LAYN: variants seen among roughly 807,000 people sequenced by gnomAD.
The protein encoded by LAYN is layilin.
A neutral mutation model predicts 43.6 loss-of-function variants in LAYN; 38 were observed. The ratio of observed to expected loss-of-function variants is 0.87; its 90% CI spans 0.67 to 1.14. LAYN has a LOEUF of 1.14. Among genes scored for constraint, LAYN ranks in the 50% most tolerant of loss-of-function variants. The pLI is 0.00. For missense variants in LAYN, 479 were observed against 463.8 expected (o/e 1.03, Z -0.30); for synonymous variants, 168 against 172.9 (o/e 0.97, Z 0.22).
At chr11:111,546,302 T>C (rs1419094497) in intron 2 of LAYN, among the ~76,000 whole-genome samples, 1 of 152,222 alleles carries the variant, frequency 6.6e-6, no homozygotes, top group African/African-American at 2.4e-5. Context: ...ATTTAGACTC[T>C]TGATCAGCTG....
At chr11:111,541,295 C>A in intron 1 of LAYN, 1 of 602,200 alleles carries the variant, frequency 1.7e-6, no homozygotes, top group Non-Finnish European at 2.9e-6. Flanking sequence ...GGACCACCCC[C>A]GCGGGGCAGG....
chr11:111,549,548 G>GA, intron 2 of LAYN, 70 bp from the exon 3 acceptor site: 1 of 1,323,612 alleles, frequency 7.6e-7, no homozygotes, highest in Non-Finnish European at 1.0e-6. Context: ...GACTTGACGG[G>GA]AAAACAAAGG....
At position 111,540,866 on chromosome 11, in the gene LAYN, A is replaced by G. The variant is rs1867519825; in HGVS notation, c.23A>G (p.Gln8Arg). 6.5e-7 allele frequency: 1 copy of G among 1,531,622 alleles called. No individual in the cohort carries two copies. Among genetic ancestry groups the G allele is most frequent in the Non-Finnish European group, 8.7e-7 (1 of 1,145,422 alleles). The allele number at this position is 1,531,622 out of a possible 1,614,324, so 94.9% of individuals were successfully genotyped here. A position where few individuals can be genotyped will look rare whatever the true frequency, so the allele number is the denominator to read the frequency against. Reference protein sequence around the residue: MRPGTALQAVLLAVLLVG... With the variant: MRPGTALRAVLLAVLLVG... ...GCCATGAGGCCGGGAACCGCGCTAC[A>G]GGCCGTGCTGCTGGCCGTGCTGCTG... is the stretch of plus-strand genomic sequence containing the variant. Residue 8 changes from glutamine (Q) to arginine (R), a missense_variant, in exon 1 of 7, where the codon CAG becomes CGG. By Grantham distance (43) the Gln-to-Arg change is conservative (BLOSUM62 1). Transcript: ENST00000375614.
intron 6 of LAYN, 21 bp downstream of exon 6, chr11:111,557,664 G>A (rs780003368): frequency 6.4e-7 from 1 of 1,558,012 alleles, no homozygotes; most frequent in Non-Finnish European, 8.9e-7. Flanking sequence ...CCTTCATTGT[G>A]TAAACCTTTG....
intron 2 of LAYN, among the ~76,000 whole-genome samples, chr11:111,549,219 C>T (rs1034674250): frequency 2.0e-5 from 3 of 152,180 alleles, no homozygotes; most frequent in Admixed American, 6.5e-5. Flanking sequence ...GAGAGCAGGG[C>T]AAGCTCTGGA....
rs111957205 is a variant in LAYN at position 111,561,003 on chromosome 11, C to T, written c.*545C>T. ...TCTACAGCCCTTCCTCTGCATGTGG[C>T]CACAGGGGACCTTTTTTTGTTTCTC... On this transcript the variant is annotated 3_prime_UTR_variant, in exon 7 of 7. Transcript: ENST00000375614. The T allele has an allele frequency of 6.6e-6, 1 of 152,642 alleles. No homozygotes were observed. The highest frequency in any genetic ancestry group is 2.4e-5 in the African/African-American group (1 of 41,446). 9.5% of individuals were successfully genotyped at this position (152,642 alleles called of 1,614,324 possible).
At position 111,560,438 on chromosome 11, in the gene LAYN, A is replaced by G; in HGVS notation, c.1105A>G (p.Asn369Asp). 1 of 1,613,684 alleles carries G rather than the reference A, an allele frequency of 6.2e-7. No individual in the cohort carries two copies. The highest frequency in any genetic ancestry group is 1.3e-5 in the African/African-American group (1 of 75,044). Residue 369 changes from asparagine to aspartate, a missense_variant, in exon 7 of 7, where the codon AAT (asparagine) becomes GAT (aspartate). Transcript: ENST00000375614. ...GAGTAAGGAGTCTGGATGGGTGGAAAATGAAATATATGGTTATTAGGACAT... is the reference window on the plus strand; with the variant it reads ...GAGTAAGGAGTCTGGATGGGTGGAAGATGAAATATATGGTTATTAGGACAT... ...GRSKESGWVE[N>D]EIYGY
At chr11:111,554,740 A>C (rs1591569715) in intron 4 of LAYN, 147 bp downstream of exon 4, 21 of 647,136 alleles carry the variant, frequency 3.2e-5, no homozygotes, top group Non-Finnish European at 2.7e-6. Flanking sequence ...TATACACCAC[A>C]CCCAGCCATG....
rs1867926047 is a variant in LAYN, at chr11:111,560,142, G to C, written c.809G>C (p.Trp270Ser). ...AGCACAAAGAAGCAACACACCATCT[G>C]GCCCTCTCCTCACCAGGGAAACAGC... Reference protein sequence around the residue: ...DPSTKKQHTIWPSPHQGNSPD... With the variant: ...DPSTKKQHTISPSPHQGNSPD... Residue 270 changes from tryptophan to serine, a missense_variant, in exon 7 of 7, where the codon TGG becomes TCG. Trp to Ser is a radical substitution (Grantham distance 177). Transcript: ENST00000375614. 4 of 1,614,006 alleles carry C rather than the reference G, an allele frequency of 2.5e-6. No individual in the cohort carries two copies. Among genetic ancestry groups the C allele is most frequent in the Non-Finnish European group, 2.5e-6 (3 of 1,180,018 alleles).
chr11:111,542,923 T>A (rs1234306589), intron 1 of LAYN, among the ~76,000 whole-genome samples: 1 of 152,318 alleles, frequency 6.6e-6, no homozygotes, highest in Non-Finnish European at 1.5e-5. Flanking sequence ...CAGCAAGGCT[T>A]CAGTCACACA....
chr11:111,542,499 C>T (rs1393927468), intron 1 of LAYN, among the ~76,000 whole-genome samples: 1 of 152,226 alleles, frequency 6.6e-6, no homozygotes, highest in African/African-American at 2.4e-5. Flanking sequence ...TAGCACTAAT[C>T]ATATAGTTCT....
chr11:111,560,275 C>T lies in LAYN; in HGVS notation c.942C>T (p.Ala314=). 6.2e-7 allele frequency: 1 copy of T among 1,614,154 alleles called. No individual in the cohort carries two copies. Among genetic ancestry groups the T allele is most frequent in the Non-Finnish European group, 8.5e-7 (1 of 1,179,996 alleles). ...NISFRVCSGE[A]TPDDMSCDYD... is the part of the protein sequence containing the mutation. ...CATTCCGAGTGTGTTCGGGAGAAGC[C>T]ACTCCCGATGACATGTCTTGTGACT... The change falls in exon 7 of 7, where the codon GCC becomes GCT. Residue 314 remains alanine (A), a synonymous_variant. Coordinates refer to ENST00000375614, the MANE Select transcript of LAYN (RefSeq NM_178834.5).
intron 1 of LAYN, among the ~76,000 whole-genome samples, chr11:111,542,100 G>T (rs913551653): frequency 1.3e-5 from 2 of 152,230 alleles, no homozygotes; most frequent in Non-Finnish European, 2.9e-5. Flanking sequence ...TTCAACTCCA[G>T]CTTATGTTAT....
In LAYN at chr11:111,540,963, G is replaced by A. The variant is rs770685865; in HGVS notation, c.85+35G>A. 3.9e-6 allele frequency: 6 copies of A among 1,519,140 alleles called. No homozygotes were observed. The South Asian group carries it at 6.1e-5, about 15-fold the overall frequency. 94.1% of individuals were successfully genotyped at this position (1,519,140 alleles called of 1,614,324 possible). ...CGCGCTGGGGCGGGGGCTGGTGCCG[G>A]GGTGGGCTCACTGCACCCCAGCTGC... On this transcript the variant is annotated intron_variant, in intron 1 of 6. Coordinates refer to ENST00000375614, the MANE Select transcript of LAYN (RefSeq NM_178834.5).
At chr11:111,540,439 G>A (rs991572677), upstream of LAYN, 6 of 234,862 alleles carry the variant, frequency 2.6e-5, no homozygotes, top group African/African-American at 4.7e-5. Flanking sequence ...CTAGTTTTAG[G>A]CACACTGTGC....
At chr11:111,549,585 C>T in intron 2 of LAYN, 33 bp from the exon 3 acceptor site, 8 of 1,488,780 alleles carry the variant, frequency 5.4e-6, no homozygotes, top group Non-Finnish European at 7.1e-6. Flanking sequence ...GATCCTTCTC[C>T]AGTTGCCTCT....
rs557622851 is a variant in LAYN, at chr11:111,559,824, C to A, written c.762-271C>A. Reference sequence around the variant, plus strand: ...GTATTTTTTCTCTATTCAGTTCTATCCCTGGACACTCCAGGGACTCTAGGG... The same window carrying A: ...GTATTTTTTCTCTATTCAGTTCTATACCTGGACACTCCAGGGACTCTAGGG... On this transcript the variant is annotated intron_variant, in intron 6 of 6. Transcript: ENST00000375614. Among the ~76,000 whole-genome samples, 8 of 151,990 alleles carry A rather than the reference C, an allele frequency of 5.3e-5. No individual in the cohort carries two copies. In the East Asian group the frequency reaches 1.4e-3, roughly 26 times the overall value.
chr11:111,546,688 A>G (rs1565265604), intron 2 of LAYN, among the ~76,000 whole-genome samples: 1 of 152,202 alleles, frequency 6.6e-6, no homozygotes, highest in Non-Finnish European at 1.5e-5. Context: ...TACCTCTTCC[A>G]TCTTACAACG....
At chr11:111,546,186 T>C (rs1267579895) in intron 2 of LAYN, among the ~76,000 whole-genome samples, 1 of 152,180 alleles carries the variant, frequency 6.6e-6, no homozygotes, top group Non-Finnish European at 1.5e-5. Context: ...CCTGGTGGTC[T>C]TTAATATCTG....
Sources: allele counts gnomAD v4.1 joint callset (sites outside exome capture counted in the v4.1 genomes callset), GRCh38; gene constraint gnomAD v4.1.1; transcripts MANE v1.5; gene names NCBI Gene and HGNC (gene_info 2026-07-23, HGNC 2026-07-21).